PTPRD: variants seen among roughly 807,000 people sequenced by gnomAD.
The protein encoded by PTPRD is protein tyrosine phosphatase receptor type D.
Under a neutral mutation model 214.5 loss-of-function variants are expected in PTPRD, and 34 were observed. The ratio of observed to expected loss-of-function variants is 0.16; its 90% CI spans 0.12 to 0.21. The LOEUF (loss-of-function observed/expected upper bound fraction) is 0.21, where lower values mean the gene tolerates loss of function less well. Among genes scored for constraint, PTPRD ranks in the 10% least tolerant of loss-of-function variants. PTPRD has a pLI of 1.00. For synonymous variants in PTPRD, 1,128 were observed against 845.7 expected (o/e 1.33, Z -5.79); for missense variants, 2,545 against 2,398.7 (o/e 1.06, Z -1.27).
intron 7 of PTPRD, among the ~76,000 whole-genome samples, chr9:9,671,456 G>A (rs1370503103): frequency 6.6e-6 from 1 of 152,004 alleles, no homozygotes; most frequent in Non-Finnish European, 1.5e-5. Context: ...TAAGTCTTTG[G>A]GGGACTGTTG....
In PTPRD at chr9:9,947,336, TTA is replaced by T. The variant is rs1491467684; in HGVS notation, c.-471-8728_-471-8727del. Among the ~76,000 whole-genome samples the T allele has an allele frequency of 2.4e-3, 141 of 58,500 alleles. 4 individuals carry two copies. Among genetic ancestry groups the T allele is most frequent in the African/African-American group, 9.2e-3 (118 of 12,820 alleles). The allele number at this position is 58,500 out of a possible 152,430, so 38.4% of individuals were successfully genotyped here. On this transcript the variant is annotated intron_variant, in intron 4 of 45. Transcript: ENST00000381196. ...ATATATTATATATATTATATATGTA[TTA>T]TATATATAATATATATTATATATAT...
At chr9:8,485,735 G>C (rs780181811) in intron 28 of PTPRD, 27 bp downstream of exon 28, 3 of 1,559,910 alleles carry the variant, frequency 1.9e-6, no homozygotes, top group Admixed American at 1.8e-5. Context: ...CTTTAAAGGA[G>C]GAAGGCCGTA....
intron 3 of PTPRD, among the ~76,000 whole-genome samples, chr9:10,096,836 A>T (rs896561099): frequency 1.9e-4 from 29 of 151,866 alleles, no homozygotes; most frequent in Non-Finnish European, 4.1e-4. Context: ...CTGAATGGTA[A>T]TGCCTAGGTT....
chr9:9,016,079 C>T (rs1363573343), intron 11 of PTPRD, among the ~76,000 whole-genome samples: 1 of 152,150 alleles, frequency 6.6e-6, no homozygotes, highest in Non-Finnish European at 1.5e-5. Context: ...AACATGCTCA[C>T]TAATACTTTC....
chr9:9,857,728 T>A (rs965886548), intron 5 of PTPRD, among the ~76,000 whole-genome samples: 1 of 152,190 alleles, frequency 6.6e-6, no homozygotes, highest in African/African-American at 2.4e-5. Context: ...AGCAGAGATG[T>A]CTTAAATGTC....
chr9:10,358,991 T>C (rs970271947), intron 2 of PTPRD, among the ~76,000 whole-genome samples: 1 of 152,058 alleles, frequency 6.6e-6, no homozygotes, highest in African/African-American at 2.4e-5. Context: ...TTAATATTAC[T>C]ATTGAAATGT....
intron 2 of PTPRD, among the ~76,000 whole-genome samples, chr9:10,348,950 C>G (rs2097136142): frequency 6.6e-6 from 1 of 152,020 alleles, no homozygotes; most frequent in African/African-American, 2.4e-5. Context: ...TCAAAGTTCA[C>G]CATGGCAGTG....
At chr9:10,117,370 G>C (rs1216492571) in intron 3 of PTPRD, among the ~76,000 whole-genome samples, 1 of 152,036 alleles carries the variant, frequency 6.6e-6, no homozygotes, top group Non-Finnish European at 1.5e-5. Flanking sequence ...TAATTTCCTA[G>C]TGCTGCCATA....
intron 4 of PTPRD, among the ~76,000 whole-genome samples, chr9:9,966,516 G>A (rs1391787549): frequency 6.6e-6 from 1 of 151,880 alleles, no homozygotes; most frequent in African/African-American, 2.4e-5. Flanking sequence ...CTCCATAAAA[G>A]GCTGAGCTAT....
intron 8 of PTPRD, among the ~76,000 whole-genome samples, chr9:9,402,966 G>GAAAA (rs1555359331): frequency 1.4e-4 from 11 of 78,562 alleles, no homozygotes; most frequent in African/African-American, 3.6e-4. Context: ...CTAATAGGGA[G>GAAAA]AAAAAAAAAA....
chr9:8,552,219 T>C (rs73430452), intron 14 of PTPRD, among the ~76,000 whole-genome samples: 6,662 of 152,190 alleles, frequency 0.044, 467 homozygotes, highest in African/African-American at 0.15. Context: ...CCCATTTATA[T>C]ACAAAACTGA....
chr9:8,368,601 C>T (rs2080614923), intron 39 of PTPRD, among the ~76,000 whole-genome samples: 1 of 151,728 alleles, frequency 6.6e-6, no homozygotes, highest in African/African-American at 2.4e-5. Flanking sequence ...GAATGCTCTT[C>T]CTAGCACCTC....
chr9:8,385,089 G>A (rs2086519389), intron 37 of PTPRD, among the ~76,000 whole-genome samples: 2 of 152,322 alleles, frequency 1.3e-5, no homozygotes, highest in South Asian at 2.1e-4. Flanking sequence ...CACTAAGAAT[G>A]ATCAGTTCTC....
At chr9:9,028,269 G>A (rs2099593793) in intron 10 of PTPRD, among the ~76,000 whole-genome samples, 1 of 151,824 alleles carries the variant, frequency 6.6e-6, no homozygotes, top group South Asian at 2.1e-4. Context: ...ACTAAATTAT[G>A]TCTTCCGTAA....
intron 3 of PTPRD, among the ~76,000 whole-genome samples, chr9:10,192,601 T>A (rs2099371657): frequency 6.6e-6 from 1 of 152,142 alleles, no homozygotes; most frequent in Non-Finnish European, 1.5e-5. Flanking sequence ...TTCAAATGAC[T>A]GTGCTCTCAA....
At position 8,316,405 on chromosome 9, in the gene PTPRD, T is replaced by C. The variant is rs1410117864; in HGVS notation, c.*1469A>G. 2 of 231,420 alleles carry C rather than the reference T, an allele frequency of 8.6e-6. No individual in the cohort carries two copies. The highest frequency in any genetic ancestry group is 6.1e-5 in the East Asian group (1 of 16,392). The allele number at this position is 231,420 out of a possible 1,614,324, so 14.3% of individuals were successfully genotyped here. On this transcript the variant is annotated 3_prime_UTR_variant, in exon 46 of 46. Transcript: ENST00000381196. Reference sequence around the variant, plus strand: ...AGTACAGCACTTCCCAGGAATGCTGTATGCCACAAAATGTTTCTGACTGAA... The same window carrying C: ...AGTACAGCACTTCCCAGGAATGCTGCATGCCACAAAATGTTTCTGACTGAA...
intron 3 of PTPRD, among the ~76,000 whole-genome samples, chr9:10,180,675 A>AT (rs974690414): frequency 6.6e-6 from 1 of 151,504 alleles, no homozygotes; most frequent in Admixed American, 6.6e-5. Flanking sequence ...AAAAAAATAG[A>AT]TTAGCTTACC....
At position 8,933,340 on chromosome 9, in the gene PTPRD, G is replaced by GT. The variant is rs71317383; in HGVS notation, c.-104+85356dup. ...CCATCTTGCCAGCCACAACCTTGAGGTTTTTTTTTTTTTTTTTTTTTTTAC... is the reference window on the plus strand; with the variant it reads ...CCATCTTGCCAGCCACAACCTTGAGGTTTTTTTTTTTTTTTTTTTTTTTTAC... On this transcript the variant is annotated intron_variant, in intron 11 of 45. Coordinates refer to ENST00000381196, the MANE Select transcript of PTPRD (RefSeq NM_002839.4). Among the ~76,000 whole-genome samples, 377 of 80,348 alleles carry GT rather than the reference G, an allele frequency of 4.7e-3. 19 individuals carry two copies. The highest frequency in any genetic ancestry group is 0.014 in the African/African-American group (279 of 19,744). 52.7% of individuals were successfully genotyped at this position (80,348 alleles called of 152,430 possible).
intron 7 of PTPRD, among the ~76,000 whole-genome samples, chr9:9,575,864 C>T (rs1490727722): frequency 1.3e-5 from 2 of 149,530 alleles, no homozygotes; most frequent in Non-Finnish European, 1.5e-5. Flanking sequence ...ACACACATTA[C>T]TCGCCATCAA....
Sources: gnomAD v4.1 joint callset for allele counts (sites outside exome capture counted in the v4.1 genomes callset) on GRCh38, gnomAD v4.1.1 for gene constraint, MANE v1.5 for transcripts, NCBI Gene and HGNC (gene_info 2026-07-23, HGNC 2026-07-21) for gene names.